EFNA5: variants seen among roughly 807,000 people sequenced by gnomAD.
EFNA5 encodes the protein ephrin-A5.
Under a neutral mutation model 22.9 loss-of-function variants are expected in EFNA5, and 5 were observed. The ratio of observed to expected loss-of-function variants is 0.22; its 90% CI spans 0.11 to 0.46. EFNA5 has a LOEUF of 0.46. Ranked by LOEUF, EFNA5 falls within the 20% of genes least tolerant of loss-of-function variation. EFNA5 has a pLI of 0.99. For missense variants in EFNA5, 237 were observed against 293.3 expected, an observed-to-expected ratio of 0.81 and a Z score of 1.40; for synonymous variants, 113 against 112.2, an observed-to-expected ratio of 1.01 and a Z score of -0.04.
chr5:107,466,257 G>C (rs561713661), intron 1 of EFNA5, among the ~76,000 whole-genome samples: 1 of 152,250 alleles, frequency 6.6e-6, no homozygotes, highest in Admixed American at 6.5e-5. Flanking sequence ...CTCATAAGTC[G>C]TGTTAAGCCA....
rs181100442 is a variant in EFNA5 at position 107,654,333 on chromosome 5, G to T, written c.125+16156C>A. ...CTTAACCATAAGGATTTTTGTATTT[G>T]CCAGTGGGTTTAAACTTTTTTTTTA... On this transcript the variant is annotated intron_variant, in intron 1 of 4. Coordinates refer to ENST00000333274, the MANE Select transcript of EFNA5 (RefSeq NM_001962.3). 3.1e-3 allele frequency among the ~76,000 whole-genome samples: 478 copies of T among 152,064 alleles called. 4 individuals are homozygous for T. The highest frequency in any genetic ancestry group is 0.01 in the African/African-American group (419 of 41,454).
At chr5:107,405,905 T>C (rs957112887) in intron 2 of EFNA5, among the ~76,000 whole-genome samples, 1 of 148,364 alleles carries the variant, frequency 6.7e-6, no homozygotes, top group Non-Finnish European at 1.5e-5. Flanking sequence ...TGTATTTATA[T>C]ACATAGAATG....
intron 1 of EFNA5, among the ~76,000 whole-genome samples, chr5:107,521,798 G>C (rs1204266102): frequency 2.0e-5 from 3 of 152,066 alleles, no homozygotes; most frequent in African/African-American, 7.3e-5. Flanking sequence ...GTAAGTTGAA[G>C]ACCATCTATA....
intron 1 of EFNA5, among the ~76,000 whole-genome samples, chr5:107,476,580 A>G (rs1198065124): frequency 6.6e-6 from 1 of 152,090 alleles, no homozygotes; most frequent in Non-Finnish European, 1.5e-5. Flanking sequence ...TTCAATAGGG[A>G]TATCTGACAG....
At chr5:107,429,152 C>T (rs1420229681) in intron 1 of EFNA5, among the ~76,000 whole-genome samples, 1 of 152,166 alleles carries the variant, frequency 6.6e-6, no homozygotes, top group Admixed American at 6.5e-5. Flanking sequence ...TAGAAATATA[C>T]CACCTTCTAG....
intron 2 of EFNA5, among the ~76,000 whole-genome samples, chr5:107,399,417 G>GAA (rs1324981038): frequency 9.3e-4 from 140 of 150,330 alleles, no homozygotes; most frequent in African/African-American, 3.3e-3. Context: ...GAAGGAAGGA[G>GAA]AGAGAGAGAG....
intron 1 of EFNA5, among the ~76,000 whole-genome samples, chr5:107,592,345 A>C (rs1040499058): frequency 4.6e-5 from 7 of 151,838 alleles, no homozygotes; most frequent in Non-Finnish European, 8.8e-5. Flanking sequence ...ATCACAGTAC[A>C]CTTTTGGTAT....
At chr5:107,657,321 T>C (rs1459523422) in intron 1 of EFNA5, among the ~76,000 whole-genome samples, 1 of 152,182 alleles carries the variant, frequency 6.6e-6, no homozygotes, top group Non-Finnish European at 1.5e-5. Flanking sequence ...AGTTCTTTTT[T>C]AGGAGCCACT....
intron 1 of EFNA5, among the ~76,000 whole-genome samples, chr5:107,455,902 C>T (rs1749688449): frequency 6.6e-6 from 1 of 152,188 alleles, no homozygotes; most frequent in East Asian, 1.9e-4. Context: ...AACTTTAATG[C>T]ACAGCTGCCC....
chr5:107,649,542 C>T (rs1048722466), intron 1 of EFNA5, among the ~76,000 whole-genome samples: 7 of 152,144 alleles, frequency 4.6e-5, no homozygotes, highest in African/African-American at 1.4e-4. Flanking sequence ...ATTTTACATG[C>T]GTTTACTTTC....
At chr5:107,541,147 C>T (rs1424521577) in intron 1 of EFNA5, among the ~76,000 whole-genome samples, 1 of 151,792 alleles carries the variant, frequency 6.6e-6, no homozygotes, top group Non-Finnish European at 1.5e-5. Flanking sequence ...AAAAAATTAA[C>T]TTTTATAAAG....
At chr5:107,589,046 T>C (rs1749256160) in intron 1 of EFNA5, among the ~76,000 whole-genome samples, 1 of 152,168 alleles carries the variant, frequency 6.6e-6, no homozygotes, top group South Asian at 2.1e-4. Flanking sequence ...GCCAAGCCCC[T>C]ACCTGCTATG....
chr5:107,410,612 G>T (rs945923865), intron 2 of EFNA5, among the ~76,000 whole-genome samples: 3 of 152,062 alleles, frequency 2.0e-5, no homozygotes, highest in Non-Finnish European at 4.4e-5. Flanking sequence ...TGCACCACTC[G>T]CTTTGAAGAA....
chr5:107,629,264 T>C (rs1460551516), intron 1 of EFNA5, among the ~76,000 whole-genome samples: 4 of 152,168 alleles, frequency 2.6e-5, no homozygotes, highest in African/African-American at 7.2e-5. Context: ...ATATTCTACA[T>C]TTAAAGCAAT....
intron 1 of EFNA5, among the ~76,000 whole-genome samples, chr5:107,531,544 C>A (rs1012076982): frequency 2.0e-5 from 3 of 152,126 alleles, no homozygotes; most frequent in African/African-American, 7.2e-5. Context: ...TTTCTCTGTG[C>A]CACCCTAGAG....
chr5:107,404,840 G>C (rs954564680), intron 2 of EFNA5, among the ~76,000 whole-genome samples: 1 of 152,184 alleles, frequency 6.6e-6, no homozygotes, highest in African/African-American at 2.4e-5. Flanking sequence ...GAACTTGACT[G>C]TGTAATCTTA....
intron 1 of EFNA5, among the ~76,000 whole-genome samples, chr5:107,440,032 ATGGTTTTGCACTACT>A (rs548993208): frequency 6.6e-6 from 1 of 152,270 alleles, no homozygotes; most frequent in East Asian, 1.9e-4. Flanking sequence ...TCACATAAAA[ATGGTTTTGCACTACT>A]TAGTATTATT....
At chr5:107,613,231 A>G (rs1349204353) in intron 1 of EFNA5, among the ~76,000 whole-genome samples, 1 of 152,156 alleles carries the variant, frequency 6.6e-6, no homozygotes, top group Non-Finnish European at 1.5e-5. Flanking sequence ...TACACTAATA[A>G]AAATAAAATC....
intron 1 of EFNA5, among the ~76,000 whole-genome samples, chr5:107,640,976 G>A (rs865944803): frequency 6.9e-6 from 1 of 145,454 alleles, no homozygotes; most frequent in African/African-American, 2.5e-5. Context: ...AGGTAGGCAG[G>A]TAGATAGATA....
Sources: allele counts gnomAD v4.1 joint callset (sites outside exome capture counted in the v4.1 genomes callset), GRCh38; gene constraint gnomAD v4.1.1; transcripts MANE v1.5; gene names NCBI Gene and HGNC (gene_info 2026-07-23, HGNC 2026-07-21).